The following FRMD4A variants were observed in gnomAD, a reference collection of about 807,000 sequenced individuals.
FRMD4A encodes the protein FERM domain-containing protein 4A.
A neutral mutation model predicts 129.1 loss-of-function variants in FRMD4A; 29 were observed. The observed-to-expected ratio is 0.22, with a 90% CI of 0.17 to 0.31. The LOEUF (loss-of-function observed/expected upper bound fraction) is 0.31, where lower values mean the gene tolerates loss of function less well. Among genes scored for constraint, FRMD4A ranks in the 10% least tolerant of loss-of-function variants. FRMD4A has a pLI of 1.00. For synonymous variants in FRMD4A, 634 were observed against 571.6 expected (o/e 1.11, Z -1.56); for missense variants, 1,272 against 1,375.8 (o/e 0.92, Z 1.19).
chr10:13,828,390 G>A (rs4750424), intron 3 of FRMD4A, among the ~76,000 whole-genome samples: 118,370 of 151,956 alleles, frequency 0.78, 46,233 homozygotes, highest in East Asian at 0.9. Flanking sequence ...GAGAACATGT[G>A]TATTTGGCTT....
chr10:13,915,095 T>C (rs1245504623), intron 2 of FRMD4A, among the ~76,000 whole-genome samples: 1 of 152,188 alleles, frequency 6.6e-6, no homozygotes, highest in Non-Finnish European at 1.5e-5. Flanking sequence ...GACCGACATA[T>C]TAACAACATT....
At chr10:14,061,229 T>C (rs929533843) in intron 2 of FRMD4A, among the ~76,000 whole-genome samples, 44 of 152,130 alleles carry the variant, frequency 2.9e-4, no homozygotes, top group African/African-American at 1.0e-3. Context: ...GTGGACTACC[T>C]GAGGTCAGGA....
intron 18 of FRMD4A, 34 bp downstream of exon 18, chr10:13,666,063 G>T: frequency 7.4e-7 from 1 of 1,346,482 alleles, no homozygotes; most frequent in Non-Finnish European, 1.1e-6. Context: ...CCCGGGCGTG[G>T]GAGTGGGGTG....
intron 2 of FRMD4A, among the ~76,000 whole-genome samples, chr10:14,200,853 T>A (rs905567852): frequency 3.9e-5 from 6 of 151,950 alleles, no homozygotes; most frequent in South Asian, 2.1e-4. Flanking sequence ...GTAGGGGGCG[T>A]GGGAGGGAGA....
intron 2 of FRMD4A, among the ~76,000 whole-genome samples, chr10:13,932,317 T>C (rs978418806): frequency 1.3e-5 from 2 of 152,240 alleles, no homozygotes; most frequent in Non-Finnish European, 2.9e-5. Flanking sequence ...GGTCATGTCC[T>C]CTCTGTGGCT....
At chr10:14,002,035 A>C (rs996521746) in intron 2 of FRMD4A, among the ~76,000 whole-genome samples, 2 of 152,208 alleles carry the variant, frequency 1.3e-5, no homozygotes, top group East Asian at 3.8e-4. Flanking sequence ...AATGGTTTGC[A>C]AAATAATAGA....
At chr10:13,998,932 G>A (rs1342930267) in intron 2 of FRMD4A, among the ~76,000 whole-genome samples, 1 of 152,000 alleles carries the variant, frequency 6.6e-6, no homozygotes, top group African/African-American at 2.4e-5. Flanking sequence ...AAACCCAAAG[G>A]TCCTTCTCAT....
intron 2 of FRMD4A, among the ~76,000 whole-genome samples, chr10:13,907,205 G>A (rs76747861): frequency 0.015 from 2,213 of 152,264 alleles, 48 homozygotes; most frequent in African/African-American, 0.05. Context: ...CACCTGAGTT[G>A]TCTAAGTGTG....
chr10:13,853,495 A>C, intron 3 of FRMD4A, among the ~76,000 whole-genome samples: 1 of 151,986 alleles, frequency 6.6e-6, no homozygotes. Context: ...CTGTAATCGC[A>C]CCACTGCACC....
At chr10:13,944,063 T>C (rs2797878) in intron 2 of FRMD4A, among the ~76,000 whole-genome samples, 8,430 of 152,282 alleles carry the variant, frequency 0.055, 547 homozygotes, top group East Asian at 0.27. Flanking sequence ...GGTCTGTCTT[T>C]GGGCAGGTGA....
At chr10:14,067,408 A>G (rs77258941) in intron 2 of FRMD4A, among the ~76,000 whole-genome samples, 3,162 of 152,276 alleles carry the variant, frequency 0.021, 99 homozygotes, top group African/African-American at 0.07. Flanking sequence ...ATTTATTATA[A>G]CAACACTTAA....
intron 2 of FRMD4A, among the ~76,000 whole-genome samples, chr10:14,159,809 G>C (rs1589101294): frequency 6.6e-6 from 1 of 152,238 alleles, no homozygotes; most frequent in African/African-American, 2.4e-5. Context: ...TCGCACTTTG[G>C]AAGACCAAGG....
At chr10:13,786,657 G>A (rs2092872967) in intron 5 of FRMD4A, among the ~76,000 whole-genome samples, 1 of 152,184 alleles carries the variant, frequency 6.6e-6, no homozygotes, top group African/African-American at 2.4e-5. Context: ...CTGGCAAAGG[G>A]TAGGCAGAAT....
At chr10:13,741,281 C>T (rs1190374229) in intron 9 of FRMD4A, among the ~76,000 whole-genome samples, 1 of 151,652 alleles carries the variant, frequency 6.6e-6, no homozygotes, top group Admixed American at 6.6e-5. Context: ...GAGACCTTGT[C>T]TCTATACAAA....
intron 2 of FRMD4A, among the ~76,000 whole-genome samples, chr10:14,156,072 A>T (rs972448349): frequency 1.4e-4 from 21 of 152,158 alleles, no homozygotes; most frequent in Admixed American, 3.9e-4. Flanking sequence ...GCTCAAGGAG[A>T]TGTATATATA....
In FRMD4A at chr10:13,962,036, C is replaced by A. The variant is rs10906551; in HGVS notation, c.46-103124G>T. Among the ~76,000 whole-genome samples the A allele has an allele frequency of 5.7e-3, 274 of 48,032 alleles. 3 individuals carry two copies. Among genetic ancestry groups the A allele is most frequent in the African/African-American group, 0.018 (258 of 14,250 alleles). The allele number at this position is 48,032 out of a possible 152,430, so 31.5% of individuals were successfully genotyped here. A position where few individuals can be genotyped will look rare whatever the true frequency, so the allele number is the denominator to read the frequency against. On this transcript the variant is annotated intron_variant, in intron 2 of 24. Transcript: ENST00000357447. ...TTTGTTAGATAAATGAACAAAAACA[C>A]ACGAATGAATGAATGAATGAATGAA... is the stretch of plus-strand genomic sequence containing the variant.
intron 2 of FRMD4A, among the ~76,000 whole-genome samples, chr10:14,061,984 A>G (rs1351073719): frequency 6.6e-6 from 1 of 151,972 alleles, no homozygotes; most frequent in Admixed American, 6.6e-5. Flanking sequence ...CCTTGCAGCT[A>G]AAGGAATTCT....
rs1263972722 is a variant in FRMD4A, at chr10:13,856,216, AAGTGTG to A, written c.111+2625_111+2630del. Among the ~76,000 whole-genome samples, 26 of 107,580 alleles carry A rather than the reference AAGTGTG, an allele frequency of 2.4e-4. No individual in the cohort carries two copies. The East Asian group carries it at 6.5e-3, about 27-fold the overall frequency. The allele number at this position is 107,580 out of a possible 152,430, so 70.6% of individuals were successfully genotyped here. ...GTGTATCTATAGATGGATTTTGTGC[AAGTGTG>A]TGTGTGTGTGTGTGTGTGTGTGTGT... On this transcript the variant is annotated intron_variant, in intron 3 of 24. Coordinates refer to ENST00000357447, the MANE Select transcript of FRMD4A (RefSeq NM_018027.5).
intron 15 of FRMD4A, chr10:13,692,742 T>C (rs2085829334): frequency 6.6e-6 from 1 of 152,312 alleles, no homozygotes; most frequent in Admixed American, 6.5e-5. Flanking sequence ...TTCCTTTTTG[T>C]TATTGTTTAC....
Sources: allele counts gnomAD v4.1 joint callset (sites outside exome capture counted in the v4.1 genomes callset), GRCh38; gene constraint gnomAD v4.1.1; transcripts MANE v1.5; gene names NCBI Gene and HGNC (gene_info 2026-07-23, HGNC 2026-07-21).